Variants in REDIC1 observed in about 807,000 individuals in gnomAD.
REDIC1 encodes regulator of DNA class I crossover intermediates 1.
the REDIC1 span, among the ~76,000 whole-genome samples, chr12:39,693,902 G>C: frequency 6.6e-6 from 1 of 152,134 alleles, no homozygotes; most frequent in Non-Finnish European, 1.5e-5. Context: ...CAAGTTCCTT[G>C]TGTCACCATT....
At chr12:39,901,815 C>T in the REDIC1 span, among the ~76,000 whole-genome samples, 9 of 141,344 alleles carry the variant, frequency 6.4e-5, no homozygotes, top group Middle Eastern at 3.5e-3. Flanking sequence ...CTAGAAATAC[C>T]ATTTGACCCA....
chr12:39,872,566 C>T, the REDIC1 span, among the ~76,000 whole-genome samples: 1 of 152,180 alleles, frequency 6.6e-6, no homozygotes, highest in Non-Finnish European at 1.5e-5. Context: ...AAGTCTCTAG[C>T]ATGATTAAGC....
the REDIC1 span, among the ~76,000 whole-genome samples, chr12:39,712,029 C>CATCTATATATACCTACCTGT: frequency 1.8e-5 from 2 of 113,290 alleles, no homozygotes; most frequent in Non-Finnish European, 3.6e-5. Context: ...TGTATATATA[C>CATCTATATATACCTACCTGT]ATGTATATAT....
At chr12:39,902,323 T>C in the REDIC1 span, among the ~76,000 whole-genome samples, 1 of 151,718 alleles carries the variant, frequency 6.6e-6, no homozygotes, top group African/African-American at 2.4e-5. Flanking sequence ...AAATGTACCC[T>C]AAAAATTAAA....
chr12:39,743,813 T>C, the REDIC1 span, among the ~76,000 whole-genome samples: 1 of 151,592 alleles, frequency 6.6e-6, no homozygotes, highest in Non-Finnish European at 1.5e-5. Context: ...CAATAAAAAA[T>C]AAAAAGGAAC....
chr12:39,732,782 A>C, the REDIC1 span, among the ~76,000 whole-genome samples: 6 of 152,176 alleles, frequency 3.9e-5, no homozygotes, highest in Admixed American at 3.3e-4. Flanking sequence ...TCCTTATTGA[A>C]ACTCAAAATG....
At chr12:39,830,300 G>A in the REDIC1 span, 2 of 1,552,196 alleles carry the variant, frequency 1.3e-6, no homozygotes, top group Non-Finnish European at 1.7e-6. Flanking sequence ...GATTCCATGT[G>A]CTTCTCTGCA....
At chr12:39,713,550 G>C in the REDIC1 span, among the ~76,000 whole-genome samples, 1 of 148,618 alleles carries the variant, frequency 6.7e-6, no homozygotes, top group Non-Finnish European at 1.5e-5. Context: ...ACGTATACAT[G>C]CGTGCATACA....
chr12:39,838,635 G>A, the REDIC1 span, among the ~76,000 whole-genome samples: 1 of 151,984 alleles, frequency 6.6e-6, no homozygotes, highest in South Asian at 2.1e-4. Context: ...AAAAGAGCAG[G>A]ACAAAAGGCT....
the REDIC1 span, among the ~76,000 whole-genome samples, chr12:39,750,553 A>C: frequency 6.6e-6 from 1 of 152,184 alleles, no homozygotes; most frequent in Non-Finnish European, 1.5e-5. Context: ...CAGAATTGGA[A>C]AAAACTACTT....
At chr12:39,769,960 G>T in the REDIC1 span, among the ~76,000 whole-genome samples, 2 of 151,986 alleles carry the variant, frequency 1.3e-5, no homozygotes, top group South Asian at 4.1e-4. Context: ...CAGGTTTCTT[G>T]TCTTAATCTT....
chr12:39,772,633 A>G, the REDIC1 span, among the ~76,000 whole-genome samples: 1 of 152,208 alleles, frequency 6.6e-6, no homozygotes, highest in African/African-American at 2.4e-5. Flanking sequence ...AAGAAAAAAG[A>G]AAGGCAGGCA....
chr12:39,789,907 G>A, the REDIC1 span, among the ~76,000 whole-genome samples: 1 of 151,982 alleles, frequency 6.6e-6, no homozygotes, highest in African/African-American at 2.4e-5. Context: ...TTGGTTCATA[G>A]GAACGTCCAG....
At chr12:39,734,197 G>A in the REDIC1 span, among the ~76,000 whole-genome samples, 60 of 152,246 alleles carry the variant, frequency 3.9e-4, no homozygotes, top group African/African-American at 9.9e-4. Flanking sequence ...TGGGTGAGGC[G>A]ACGCCCCACC....
chr12:39,677,300 T>C, the REDIC1 span, among the ~76,000 whole-genome samples: 1 of 152,230 alleles, frequency 6.6e-6, no homozygotes, highest in East Asian at 1.9e-4. Context: ...GCTATTCTTA[T>C]ATCATACAAA....
chr12:39,903,033 T>C, the REDIC1 span, among the ~76,000 whole-genome samples: 2 of 152,168 alleles, frequency 1.3e-5, no homozygotes, highest in South Asian at 4.1e-4. Context: ...GCTCAGGAGA[T>C]GAGTAATATG....
the REDIC1 span, among the ~76,000 whole-genome samples, chr12:39,865,627 T>A: frequency 6.6e-6 from 1 of 152,086 alleles, no homozygotes; most frequent in Non-Finnish European, 1.5e-5. Flanking sequence ...GCCACAGACA[T>A]TGTGAGGGTA....
chr12:39,632,703 C>T, the REDIC1 span, among the ~76,000 whole-genome samples: 3 of 152,126 alleles, frequency 2.0e-5, no homozygotes, highest in Non-Finnish European at 2.9e-5. Flanking sequence ...CTACTACACA[C>T]CTATGCTATA....
chr12:39,753,698 T>A, the REDIC1 span, among the ~76,000 whole-genome samples: 1 of 152,164 alleles, frequency 6.6e-6, no homozygotes, highest in African/African-American at 2.4e-5. Context: ...CTTAGTAGCA[T>A]CAGGGATAGG....
Sources: gnomAD v4.1 joint callset for allele counts (sites outside exome capture counted in the v4.1 genomes callset) on GRCh38, gnomAD v4.1.1 for gene constraint, MANE v1.5 for transcripts, NCBI Gene and HGNC (gene_info 2026-07-23, HGNC 2026-07-21) for gene names.